DLG2: variants seen among roughly 807,000 people sequenced by gnomAD.
DLG2 encodes the protein disks large homolog 2.
A neutral mutation model predicts 132.5 loss-of-function variants in DLG2; 45 were observed. The ratio of observed to expected loss-of-function variants is 0.34; its 90% CI spans 0.27 to 0.44. The LOEUF is 0.44. Among genes scored for constraint, DLG2 ranks in the 20% least tolerant of loss-of-function variants. DLG2 has a pLI of 1.00. For synonymous variants in DLG2, 424 were observed against 419.6 expected (o/e 1.01, Z -0.13); for missense variants, 1,045 against 1,196.9 (o/e 0.87, Z 1.87).
intron 4 of DLG2, among the ~76,000 whole-genome samples, chr11:85,166,786 T>C (rs1236617206): frequency 6.6e-6 from 1 of 152,208 alleles, no homozygotes; most frequent in Admixed American, 6.5e-5. Context: ...TGCCCATAGA[T>C]ATTAAGTTGT....
intron 8 of DLG2, among the ~76,000 whole-genome samples, chr11:84,222,903 T>G (rs1039636148): frequency 3.3e-5 from 5 of 152,238 alleles, no homozygotes; most frequent in African/African-American, 9.6e-5. Flanking sequence ...TTGGCTAATG[T>G]GTGGCATAAT....
In DLG2 at chr11:84,714,619, CTCTT is replaced by C. The variant is rs1377754665; in HGVS notation, c.358-179892_358-179889del. ...TTTCTTTCTCTTTCTCTTTCTCTTT[CTCTT>C]TCTCTCTCTCTCTCTCTCTCTCTTT... is the stretch of plus-strand genomic sequence containing the variant. On this transcript the variant is annotated intron_variant, in intron 6 of 27. Transcript: ENST00000376104. 9.2e-3 allele frequency among the ~76,000 whole-genome samples: 1,051 copies of C among 114,520 alleles called. 28 individuals are homozygous for C. Among genetic ancestry groups the C allele is most frequent in the African/African-American group, 0.039 (1,002 of 25,740 alleles). 75.1% of individuals were successfully genotyped at this position (114,520 alleles called of 152,430 possible). A position where few individuals can be genotyped will look rare whatever the true frequency, so the allele number is the denominator to read the frequency against.
At chr11:85,603,874 GC>G (rs2080338386) in intron 2 of DLG2, among the ~76,000 whole-genome samples, 1 of 152,098 alleles carries the variant, frequency 6.6e-6, no homozygotes, top group South Asian at 2.1e-4. Flanking sequence ...CCACCATCCT[GC>G]TACTGCACTC....
intron 6 of DLG2, among the ~76,000 whole-genome samples, chr11:85,101,629 T>C (rs1454477393): frequency 6.6e-6 from 1 of 152,096 alleles, no homozygotes; most frequent in Non-Finnish European, 1.5e-5. Flanking sequence ...TTCCATCCCA[T>C]TATGGTATTT....
intron 6 of DLG2, among the ~76,000 whole-genome samples, chr11:84,784,823 T>C (rs116660544): frequency 1.8e-4 from 28 of 152,176 alleles, no homozygotes; most frequent in African/African-American, 6.5e-4. Context: ...GTTGGGGAGA[T>C]GTTGGTCAAA....
chr11:85,187,684 T>A (rs1157398181), intron 4 of DLG2, among the ~76,000 whole-genome samples: 1 of 152,230 alleles, frequency 6.6e-6, no homozygotes, highest in South Asian at 2.1e-4. Flanking sequence ...CTCCACTCCA[T>A]CCAGCTCAGT....
At chr11:83,479,383 G>A (rs868503210) in intron 22 of DLG2, among the ~76,000 whole-genome samples, 9 of 148,606 alleles carry the variant, frequency 6.1e-5, no homozygotes, top group Non-Finnish European at 1.2e-4. Context: ...ACGGGGGGGG[G>A]AAAACCTCAA....
At chr11:83,501,198 T>A (rs2094437070) in intron 21 of DLG2, among the ~76,000 whole-genome samples, 1 of 130,736 alleles carries the variant, frequency 7.6e-6, no homozygotes, top group African/African-American at 2.8e-5. Flanking sequence ...TCTGTTTTTC[T>A]TTTCTTTTTT....
At chr11:83,967,154 T>A (rs1448702850) in intron 12 of DLG2, among the ~76,000 whole-genome samples, 1 of 152,100 alleles carries the variant, frequency 6.6e-6, no homozygotes, top group Admixed American at 6.6e-5. Context: ...ATGAAGGTCG[T>A]TGCCATATCT....
chr11:85,417,000 AG>A (rs1253029505), intron 3 of DLG2, among the ~76,000 whole-genome samples: 1 of 152,130 alleles, frequency 6.6e-6, no homozygotes, highest in African/African-American at 2.4e-5. Context: ...GTGGTGAGAG[AG>A]GGCATCCTTG....
At position 84,592,933 on chromosome 11, in the gene DLG2, T is replaced by TAAAAAAA. The variant is rs61017970; in HGVS notation, c.358-58209_358-58203dup. 9.3e-4 allele frequency among the ~76,000 whole-genome samples: 17 copies of TAAAAAAA among 18,198 alleles called. 2 individuals carry two copies. The highest frequency in any genetic ancestry group is 2.3e-3 in the African/African-American group (10 of 4,430). 11.9% of individuals were successfully genotyped at this position (18,198 alleles called of 152,430 possible). A position where few individuals can be genotyped will look rare whatever the true frequency, so the allele number is the denominator to read the frequency against. The stretch of plus-strand genomic sequence containing the variant: ...TAACACGGTGAAACCCTGTCTCTAC[T>TAAAAAAA]AAAAAAAAAAAAAAAAAAAAAAAAA... On this transcript the variant is annotated intron_variant, in intron 6 of 27. Transcript: ENST00000376104.
intron 6 of DLG2, among the ~76,000 whole-genome samples, chr11:84,592,136 G>C (rs1444269376): frequency 6.6e-6 from 1 of 152,194 alleles, no homozygotes; most frequent in Admixed American, 6.5e-5. Context: ...GATTACAGGA[G>C]TGAACCACGG....
At chr11:84,435,288 T>C (rs996630370) in intron 7 of DLG2, among the ~76,000 whole-genome samples, 3 of 152,160 alleles carry the variant, frequency 2.0e-5, no homozygotes, top group Non-Finnish European at 4.4e-5. Context: ...AAAATTATAG[T>C]TTTAAATAAG....
chr11:84,786,001 G>C (rs1598109073), intron 6 of DLG2, among the ~76,000 whole-genome samples: 1 of 151,666 alleles, frequency 6.6e-6, no homozygotes, highest in Admixed American at 6.6e-5. Context: ...ATTAGGAAAT[G>C]GTATTTGGAA....
chr11:84,424,952 A>C (rs1415735691), intron 7 of DLG2, among the ~76,000 whole-genome samples: 1 of 152,016 alleles, frequency 6.6e-6, no homozygotes, highest in East Asian at 1.9e-4. Context: ...AAACTGGCAT[A>C]TTGTTTACAC....
intron 7 of DLG2, among the ~76,000 whole-genome samples, chr11:84,448,294 C>A (rs1019313536): frequency 1.3e-4 from 20 of 152,134 alleles, no homozygotes; most frequent in African/African-American, 4.1e-4. Context: ...GTTTTAATTT[C>A]ATTTCCATCA....
intron 7 of DLG2, among the ~76,000 whole-genome samples, chr11:84,500,672 T>G (rs1166913283): frequency 6.6e-6 from 1 of 152,170 alleles, no homozygotes; most frequent in Non-Finnish European, 1.5e-5. Flanking sequence ...GTCCCTGTTT[T>G]GAATTGGAGA....
chr11:83,528,585 T>C (rs1195800612), intron 21 of DLG2, among the ~76,000 whole-genome samples: 1 of 152,150 alleles, frequency 6.6e-6, no homozygotes, highest in Admixed American at 6.6e-5. Flanking sequence ...GGCATATTTG[T>C]AATGCTTTAC....
chr11:84,835,416 G>T (rs2079617043), intron 6 of DLG2, among the ~76,000 whole-genome samples: 1 of 151,714 alleles, frequency 6.6e-6, no homozygotes, highest in South Asian at 2.1e-4. Flanking sequence ...TCTACAAAAT[G>T]GAGTTAATAA....
Sources: allele counts gnomAD v4.1 joint callset (sites outside exome capture counted in the v4.1 genomes callset), GRCh38; gene constraint gnomAD v4.1.1; transcripts MANE v1.5; gene names NCBI Gene and HGNC (gene_info 2026-07-23, HGNC 2026-07-21).